The following MACROD2 variants were observed in gnomAD, a reference collection of about 807,000 sequenced individuals.
MACROD2 encodes mono-ADP ribosylhydrolase 2.
Under a neutral mutation model 70.4 loss-of-function variants are expected in MACROD2, and 36 were observed. The ratio of observed to expected loss-of-function variants is 0.51; its 90% CI spans 0.39 to 0.68. The LOEUF (loss-of-function observed/expected upper bound fraction) is 0.68, where lower values mean the gene tolerates loss of function less well. Among genes scored for constraint, MACROD2 ranks in the 30% least tolerant of loss-of-function variants. The probability of loss-of-function intolerance (pLI) is 0.00; values close to 1 mark genes in which losing one functional copy is unlikely to be tolerated. For missense variants in MACROD2, 496 were observed against 538.4 expected, an observed-to-expected ratio of 0.92 and a Z score of 0.78; for synonymous variants, 172 against 178.8, an observed-to-expected ratio of 0.96 and a Z score of 0.30.
At chr20:14,563,315 A>T (rs1979559742) in intron 4 of MACROD2, among the ~76,000 whole-genome samples, 1 of 151,968 alleles carries the variant, frequency 6.6e-6, no homozygotes, top group South Asian at 2.1e-4. Flanking sequence ...TATGCAGGGG[A>T]GAAAGAACGT....
At chr20:14,704,708 C>T (rs2071247691) in intron 5 of MACROD2, among the ~76,000 whole-genome samples, 1 of 152,208 alleles carries the variant, frequency 6.6e-6, no homozygotes, top group Admixed American at 6.5e-5. Context: ...TTCGAAGTTT[C>T]TTCCTGGCCT....
chr20:14,795,139 C>G (rs2072495731), intron 5 of MACROD2, among the ~76,000 whole-genome samples: 2 of 152,012 alleles, frequency 1.3e-5, no homozygotes, highest in Non-Finnish European at 2.9e-5. Flanking sequence ...AGGGGCCAGA[C>G]CGTGAAGGAC....
chr20:15,779,516 A>C (rs1432945578), intron 8 of MACROD2, among the ~76,000 whole-genome samples: 1 of 152,168 alleles, frequency 6.6e-6, no homozygotes, highest in Non-Finnish European at 1.5e-5. Context: ...TAGCAGCAGG[A>C]AAAGAGTTCT....
intron 5 of MACROD2, among the ~76,000 whole-genome samples, chr20:15,110,630 T>C (rs1428127474): frequency 6.6e-6 from 1 of 152,212 alleles, no homozygotes; most frequent in African/African-American, 2.4e-5. Flanking sequence ...GATGGCAGTC[T>C]TGTGGCATGT....
intron 3 of MACROD2, among the ~76,000 whole-genome samples, chr20:14,383,442 T>C (rs1172586240): frequency 6.6e-6 from 1 of 152,164 alleles, no homozygotes; most frequent in African/African-American, 2.4e-5. Context: ...AGTTTGTAAA[T>C]ATTCAAATTT....
intron 5 of MACROD2, among the ~76,000 whole-genome samples, chr20:14,703,520 C>T (rs1247323918): frequency 6.6e-6 from 1 of 152,104 alleles, no homozygotes; most frequent in African/African-American, 2.4e-5. Flanking sequence ...ATTTTCTCTC[C>T]AGCTGTGCTC....
chr20:16,029,391 G>A (rs1312461813), intron 15 of MACROD2, among the ~76,000 whole-genome samples: 1 of 152,220 alleles, frequency 6.6e-6, no homozygotes, highest in Non-Finnish European at 1.5e-5. Context: ...AGAATCAAGA[G>A]CCTCTGAACA....
In MACROD2 at chr20:14,414,929, G is replaced by GT. The variant is rs11479088; in HGVS notation, c.272-78537dup. 5.3e-3 allele frequency among the ~76,000 whole-genome samples: 770 copies of GT among 144,944 alleles called. 7 individuals carry two copies. The highest frequency in any genetic ancestry group is 0.014 in the African/African-American group (572 of 39,530). On this transcript the variant is annotated intron_variant, in intron 3 of 17. Transcript: ENST00000684519. ...CTCATCACTTTCTCACCTGCTTTAT[G>GT]TTTTTTTTTTTTTCCCATGGTGTGC... is the stretch of plus-strand genomic sequence containing the variant.
At chr20:14,572,526 GATAA>G (rs1274269268) in intron 4 of MACROD2, among the ~76,000 whole-genome samples, 1 of 151,994 alleles carries the variant, frequency 6.6e-6, no homozygotes, top group Non-Finnish European at 1.5e-5. Flanking sequence ...TAGTAGAAAA[GATAA>G]ATAAATTGAA....
At chr20:15,833,141 A>C (rs921165220) in intron 8 of MACROD2, among the ~76,000 whole-genome samples, 1 of 152,218 alleles carries the variant, frequency 6.6e-6, no homozygotes, top group Non-Finnish European at 1.5e-5. Context: ...AGTGAGGTAC[A>C]TTTACTTAAA....
chr20:14,032,083 TTTA>T (rs1280560217), intron 2 of MACROD2, among the ~76,000 whole-genome samples: 2 of 152,082 alleles, frequency 1.3e-5, no homozygotes, highest in African/African-American at 4.8e-5. Context: ...AGTGTAAAAA[TTTA>T]TTATTGTACA....
At chr20:14,650,228 G>A (rs1263060785) in intron 4 of MACROD2, among the ~76,000 whole-genome samples, 1 of 152,166 alleles carries the variant, frequency 6.6e-6, no homozygotes, top group African/African-American at 2.4e-5. Flanking sequence ...TGAGTTAGGT[G>A]TGTCTGGGAC....
intron 3 of MACROD2, among the ~76,000 whole-genome samples, chr20:14,429,879 G>T (rs183050283): frequency 6.6e-6 from 1 of 152,180 alleles, no homozygotes; most frequent in East Asian, 1.9e-4. Context: ...TTACCAGAGG[G>T]TCCCTAACAG....
chr20:15,614,522 CTCT>C (rs1333737045), intron 8 of MACROD2, among the ~76,000 whole-genome samples: 1 of 152,168 alleles, frequency 6.6e-6, no homozygotes, highest in Admixed American at 6.5e-5. Context: ...TTCAAGGTAT[CTCT>C]TCTTCTGATT....
At chr20:15,357,608 G>A (rs904418176) in intron 6 of MACROD2, among the ~76,000 whole-genome samples, 1 of 152,026 alleles carries the variant, frequency 6.6e-6, no homozygotes, top group Non-Finnish European at 1.5e-5. Flanking sequence ...TGTTTATCCA[G>A]TACATATAAG....
chr20:14,789,884 C>T (rs777201643), intron 5 of MACROD2, among the ~76,000 whole-genome samples: 1 of 151,650 alleles, frequency 6.6e-6, no homozygotes, highest in Admixed American at 6.6e-5. Context: ...GATGAGAAAT[C>T]AAAATTAAAG....
intron 7 of MACROD2, among the ~76,000 whole-genome samples, chr20:15,491,591 G>A (rs1479414897): frequency 6.6e-6 from 1 of 152,234 alleles, no homozygotes; most frequent in Non-Finnish European, 1.5e-5. Context: ...GCAACTCTGG[G>A]AAACTATAAA....
At position 15,695,411 on chromosome 20, in the gene MACROD2, C is replaced by CTT. The variant is rs375119900; in HGVS notation, c.646-167322_646-167321dup. 2.7e-3 allele frequency among the ~76,000 whole-genome samples: 316 copies of CTT among 115,298 alleles called. 1 individual carries two copies. Among genetic ancestry groups the CTT allele is most frequent in the African/African-American group, 9.0e-3 (300 of 33,224 alleles). The allele number at this position is 115,298 out of a possible 152,430, so 75.6% of individuals were successfully genotyped here. On this transcript the variant is annotated intron_variant, in intron 8 of 17. Transcript: ENST00000684519. ...ATTTCTTTCTTTTTTTCTTCTTCTT[C>CTT]TTTTTTTTTTTTTGGAGACAGAGTC...
At chr20:15,058,360 G>A (rs1413626617) in intron 5 of MACROD2, among the ~76,000 whole-genome samples, 1 of 152,074 alleles carries the variant, frequency 6.6e-6, no homozygotes, top group Non-Finnish European at 1.5e-5. Flanking sequence ...GGGGGGTTGT[G>A]TTCTATCTTG....
Sources: gnomAD v4.1 joint callset for allele counts (sites outside exome capture counted in the v4.1 genomes callset) on GRCh38, gnomAD v4.1.1 for gene constraint, MANE v1.5 for transcripts, NCBI Gene and HGNC (gene_info 2026-07-23, HGNC 2026-07-21) for gene names.